Variants in C11orf97 observed in about 807,000 individuals in gnomAD.
The protein encoded by C11orf97 is uncharacterized protein C11orf97.
C11orf97 carries 15 observed loss-of-function variants against 16.2 expected under a neutral mutation model. That is an observed-to-expected ratio of 0.93 (90% CI 0.62 to 1.43). C11orf97 has a LOEUF of 1.43. C11orf97 is among the 40% of genes most tolerant of loss of function. The probability of loss-of-function intolerance (pLI) is 0.00; values close to 1 mark genes in which losing one functional copy is unlikely to be tolerated. For missense variants in C11orf97, 171 were observed against 161.2 expected (o/e 1.06, Z -0.33); for synonymous variants, 61 against 65.7 (o/e 0.93, Z 0.34).
chr11:94,526,878 G>T (rs1395715419), intron 2 of C11orf97, among the ~76,000 whole-genome samples: 1 of 152,158 alleles, frequency 6.6e-6, no homozygotes, highest in Non-Finnish European at 1.5e-5. Context: ...TCAGGAGTGG[G>T]AAAGGAGAGG....
chr11:94,520,843 C>T (rs1947652159), intron 2 of C11orf97, among the ~76,000 whole-genome samples: 1 of 152,204 alleles, frequency 6.6e-6, no homozygotes. Context: ...GCACTGAAAC[C>T]GGAGGGATCT....
At chr11:94,522,931 T>A (rs34394615) in intron 2 of C11orf97, among the ~76,000 whole-genome samples, 2 of 152,120 alleles carry the variant, frequency 1.3e-5, no homozygotes, top group Non-Finnish European at 2.9e-5. Flanking sequence ...GCACCATTTG[T>A]ATTAACAACA....
chr11:94,512,860 C>A (rs1417678991), intron 1 of C11orf97, among the ~76,000 whole-genome samples, 187 bp downstream of exon 1: 1 of 152,136 alleles, frequency 6.6e-6, no homozygotes, highest in African/African-American at 2.4e-5. Flanking sequence ...TCTTTCCAAG[C>A]CCTCCTTCCC....
chr11:94,518,089 A>G (rs1475604228), intron 2 of C11orf97, among the ~76,000 whole-genome samples: 1 of 150,950 alleles, frequency 6.6e-6, no homozygotes, highest in Non-Finnish European at 1.5e-5. Flanking sequence ...CAGAGCTTGC[A>G]GTAAGCCAAG....
At chr11:94,528,740 G>C (rs537574642) in intron 3 of C11orf97, among the ~76,000 whole-genome samples, 8 of 152,276 alleles carry the variant, frequency 5.3e-5, no homozygotes, top group African/African-American at 1.9e-4. Context: ...CACTGTCATA[G>C]CCAGTGTCTG....
intron 2 of C11orf97, among the ~76,000 whole-genome samples, chr11:94,522,596 A>G (rs761593593): frequency 7.2e-5 from 11 of 152,122 alleles, no homozygotes; most frequent in Non-Finnish European, 8.8e-5. Flanking sequence ...TGCTTCCCCT[A>G]TACCACCCAT....
chr11:94,528,046 G>A (rs538008286), intron 2 of C11orf97, 38 bp from the exon 3 acceptor site: 24 of 1,494,012 alleles, frequency 1.6e-5, no homozygotes, highest in Middle Eastern at 1.7e-4. Context: ...AAGAGAATAC[G>A]CTAATAATTA....
At chr11:94,530,488 C>T (rs1392793656) in intron 3 of C11orf97, among the ~76,000 whole-genome samples, 1 of 152,124 alleles carries the variant, frequency 6.6e-6, no homozygotes, top group Admixed American at 6.5e-5. Flanking sequence ...AGAACAAAAT[C>T]CATAGATAAT....
chr11:94,528,842 A>G (rs1487654513), intron 3 of C11orf97, among the ~76,000 whole-genome samples: 8 of 152,250 alleles, frequency 5.3e-5, no homozygotes, highest in African/African-American at 1.7e-4. Flanking sequence ...AGCTGTGTAT[A>G]TAAGTCCTCA....
Position 94,522,666 on chromosome 11 carries a change from C to T in C11orf97, c.250+4979C>T, listed in dbSNP as rs181929793. Among the ~76,000 whole-genome samples, 198 of 152,336 alleles carry T rather than the reference C, an allele frequency of 1.3e-3. 1 individual carries two copies. Among genetic ancestry groups the T allele is most frequent in the African/African-American group, 4.6e-3 (191 of 41,584 alleles). On this transcript the variant is annotated intron_variant, in intron 2 of 3. Coordinates refer to ENST00000542198, the MANE Select transcript of C11orf97 (RefSeq NM_001190462.2). Reference sequence around the variant, plus strand: ...AATCCAGAGAGCCATCCTCTATCTCCACACCAGACCACCATGTTCCACATC... The same window carrying T: ...AATCCAGAGAGCCATCCTCTATCTCTACACCAGACCACCATGTTCCACATC...
intron 2 of C11orf97, among the ~76,000 whole-genome samples, chr11:94,521,936 C>T (rs1947660821): frequency 6.6e-6 from 1 of 152,186 alleles, no homozygotes; most frequent in Non-Finnish European, 1.5e-5. Context: ...GTCGATGGCT[C>T]TCTCCTTCAA....
chr11:94,524,304 G>T (rs1435707952), intron 2 of C11orf97, among the ~76,000 whole-genome samples: 1 of 152,146 alleles, frequency 6.6e-6, no homozygotes, highest in Non-Finnish European at 1.5e-5. Context: ...ATGCAGGTTT[G>T]TCAGAAGCTG....
chr11:94,522,121 C>A (rs1242796348), intron 2 of C11orf97, among the ~76,000 whole-genome samples: 4 of 152,166 alleles, frequency 2.6e-5, no homozygotes, highest in African/African-American at 9.7e-5. Context: ...GGGATTTTCT[C>A]ATACTTTTCA....
At chr11:94,513,446 G>A (rs1438800040) in intron 1 of C11orf97, among the ~76,000 whole-genome samples, 2 of 152,238 alleles carry the variant, frequency 1.3e-5, no homozygotes, top group Non-Finnish European at 2.9e-5. Flanking sequence ...ATGGTGAGAA[G>A]AATAAGCCAG....
At chr11:94,523,884 C>T (rs563882) in intron 2 of C11orf97, among the ~76,000 whole-genome samples, 43,314 of 151,920 alleles carry the variant, frequency 0.29, 6,536 homozygotes, top group Non-Finnish European at 0.33. Flanking sequence ...AGGTGTCTCA[C>T]GTGGTTGTTA....
At chr11:94,526,171 A>G (rs2135183964) in intron 2 of C11orf97, among the ~76,000 whole-genome samples, 1 of 152,214 alleles carries the variant, frequency 6.6e-6, no homozygotes. Flanking sequence ...CTGAGGGAGT[A>G]AAGTTTCTCT....
chr11:94,513,225 T>C (rs1313826562), intron 1 of C11orf97, among the ~76,000 whole-genome samples: 1 of 152,196 alleles, frequency 6.6e-6, no homozygotes, highest in Non-Finnish European at 1.5e-5. Context: ...CTCATAATTA[T>C]GGGCTACATT....
rs888732990 is a variant in C11orf97, at chr11:94,532,084, T to C, written c.*184T>C. On this transcript the variant is annotated 3_prime_UTR_variant, in exon 4 of 4. Transcript: ENST00000542198. The stretch of plus-strand genomic sequence containing the variant: ...AAGTAATGAAAGACTATTGGTAATG[T>C]TCAGTAAGTACCTGAAAACAATAAA... The C allele has an allele frequency of 9.7e-5, 39 of 404,044 alleles. No individual in the cohort carries two copies. Among genetic ancestry groups the C allele is most frequent in the African/African-American group, 7.0e-4 (34 of 48,526 alleles). The allele number at this position is 404,044 out of a possible 1,614,324, so 25.0% of individuals were successfully genotyped here.
intron 2 of C11orf97, among the ~76,000 whole-genome samples, chr11:94,527,673 T>C (rs2135184971): frequency 6.6e-6 from 1 of 152,322 alleles, no homozygotes; most frequent in Non-Finnish European, 1.5e-5. Flanking sequence ...GAATTAACTA[T>C]TGGATGAATT....
Sources: allele counts gnomAD v4.1 joint callset (sites outside exome capture counted in the v4.1 genomes callset), GRCh38; gene constraint gnomAD v4.1.1; transcripts MANE v1.5; gene names NCBI Gene and HGNC (gene_info 2026-07-23, HGNC 2026-07-21).